Variants in APOO observed in about 807,000 individuals in gnomAD.
The protein encoded by APOO is MICOS complex subunit MIC26.
A neutral mutation model predicts 23.1 loss-of-function variants in APOO; 11 were observed. The ratio of observed to expected loss-of-function variants is 0.48; its 90% confidence interval spans 0.30 to 0.79. The LOEUF is 0.79. APOO is among the 30% of genes least tolerant of loss of function. APOO has a pLI of 0.07. For synonymous variants in APOO, 59 were observed against 54.8 expected (o/e 1.08, Z -0.34); for missense variants, 160 against 142.7 (o/e 1.12, Z -0.62).
At chrX:23,886,956 G>C (rs1033984449) in intron 1 of APOO, among the ~76,000 whole-genome samples, 1 of 111,416 alleles carries the variant, frequency 9.0e-6, no homozygotes, top group Non-Finnish European at 1.9e-5. Flanking sequence ...AGGGCACAAA[G>C]AGGAGATGAA....
intron 1 of APOO, among the ~76,000 whole-genome samples, chrX:23,898,529 AGCCTTTTTTGGAAAAAAAAAATCAT>A (rs1405223804): frequency 8.9e-6 from 1 of 111,760 alleles, no homozygotes; most frequent in Non-Finnish European, 1.9e-5. Flanking sequence ...GAAAACTGTA[AGCCTTTTTTGGAAAAAAAAAATCAT>A]GTACAAGACT....
intron 7 of APOO, among the ~76,000 whole-genome samples, chrX:23,855,097 G>A (rs1355398297): frequency 1.9e-5 from 2 of 104,124 alleles, no homozygotes; most frequent in African/African-American, 7.1e-5. Context: ...GAGTGCAGTG[G>A]CGCAATCATG....
chrX:23,871,503 C>G (rs1256156905), intron 4 of APOO, among the ~76,000 whole-genome samples: 1 of 111,655 alleles, frequency 9.0e-6, no homozygotes, highest in Non-Finnish European at 1.9e-5. Flanking sequence ...ACATCCAATA[C>G]CAAGTCACAC....
At chrX:23,861,376 C>T (rs1469464989) in intron 5 of APOO, among the ~76,000 whole-genome samples, 1 of 109,448 alleles carries the variant, frequency 9.1e-6, no homozygotes, top group African/African-American at 3.3e-5. Context: ...CTTTGCCTTC[C>T]ACCATGATTG....
At chrX:23,853,869 A>C (rs1313484490) in intron 7 of APOO, among the ~76,000 whole-genome samples, 3 of 110,308 alleles carry the variant, frequency 2.7e-5, no homozygotes, top group Non-Finnish European at 5.7e-5. Flanking sequence ...CCTAGGCTCA[A>C]AGCGATTTGC....
rs868494655 is a variant in APOO at position 23,878,964 on chromosome X, C to A, written c.188G>T (p.Ser63Ile). ...GCAATAGTGTCGGAGCTGTGAGATG[C>A]TTTCTTCAAGCTGGCTCCTTGCCTC... is the stretch of plus-strand genomic sequence containing the variant. ...VEEARSQLEE[S>I]ISQLRHYCEP... The change falls in exon 3 of 9, where the codon AGC (serine) becomes ATC (isoleucine). Residue 63 changes from serine to isoleucine, a missense_variant. Physicochemically the swap from Ser to Ile is moderately radical, Grantham distance 142. Transcript: ENST00000379226. 3.3e-6 allele frequency: 4 copies of A among 1,209,816 alleles called. No individual in the cohort carries two copies. The highest frequency in any genetic ancestry group is 4.6e-4 in the Middle Eastern group (2 of 4,352).
At chrX:23,862,173 C>T (rs971841297) in intron 5 of APOO, among the ~76,000 whole-genome samples, 1 of 110,541 alleles carries the variant, frequency 9.0e-6, no homozygotes, top group Non-Finnish European at 1.9e-5. Context: ...AAGCCTGAAA[C>T]ATAAAGGAGA....
chrX:23,898,373 G>C (rs921249432), intron 1 of APOO, among the ~76,000 whole-genome samples: 2 of 110,865 alleles, frequency 1.8e-5, no homozygotes, highest in Admixed American at 9.7e-5. Flanking sequence ...AAAGTGCTGG[G>C]ATTACAGGTG....
At chrX:23,866,679 C>T (rs1054884119) in intron 5 of APOO, among the ~76,000 whole-genome samples, 5 of 111,122 alleles carry the variant, frequency 4.5e-5, no homozygotes, top group African/African-American at 1.6e-4. Flanking sequence ...ATCCCAGCTA[C>T]TTGAAAGGCT....
chrX:23,866,205 A>G (rs758126085), intron 5 of APOO, among the ~76,000 whole-genome samples: 5 of 112,058 alleles, frequency 4.5e-5, no homozygotes, highest in Non-Finnish European at 7.5e-5. Context: ...GATAGCTGAA[A>G]TCCCAACACC....
chrX:23,876,569 G>T (rs888091650), intron 3 of APOO, among the ~76,000 whole-genome samples: 1 of 110,772 alleles, frequency 9.0e-6, no homozygotes. Flanking sequence ...GGGAGGCCGA[G>T]GTGGACGGAT....
intron 3 of APOO, 148 bp downstream of exon 3, chrX:23,878,767 C>T (rs1465993203): frequency 3.7e-5 from 26 of 710,491 alleles, no homozygotes; most frequent in Non-Finnish European, 4.7e-5. Context: ...CCCACCTTTC[C>T]CCCAGACCCC....
chrX:23,878,703 G>C (rs1925965530), intron 3 of APOO, among the ~76,000 whole-genome samples: 1 of 55,283 alleles, frequency 1.8e-5, no homozygotes, highest in Non-Finnish European at 3.2e-5. Context: ...TATCAAATAG[G>C]TTTTATTCAT....
At chrX:23,839,315 C>T (rs1463891448) in intron 8 of APOO, among the ~76,000 whole-genome samples, 1 of 111,745 alleles carries the variant, frequency 8.9e-6, no homozygotes, top group Non-Finnish European at 1.9e-5. Context: ...GGATGGCTGC[C>T]CCATAGGGTG....
chrX:23,894,823 T>C lies in APOO; in HGVS notation c.9+12871A>G, dbSNP rs938962132. On this transcript the variant is annotated intron_variant, in intron 1 of 8. Coordinates refer to ENST00000379226, the MANE Select transcript of APOO (RefSeq NM_024122.5). ...AAAAAAAAAGTAAAGAAAATCAGTCTCGATATATTTTAAATAAGAGTGGTA... is the reference window on the plus strand; with the variant it reads ...AAAAAAAAAGTAAAGAAAATCAGTCCCGATATATTTTAAATAAGAGTGGTA... 1.1e-4 allele frequency among the ~76,000 whole-genome samples: 12 copies of C among 107,990 alleles called. No homozygotes were observed. In the Admixed American group the frequency reaches 1.2e-3, roughly 11 times the overall value. 93.8% of individuals were successfully genotyped at this position (107,990 alleles called of 115,157 possible).
At chrX:23,869,747 C>T (rs1482317588) in intron 4 of APOO, among the ~76,000 whole-genome samples, 2 of 106,779 alleles carry the variant, frequency 1.9e-5, no homozygotes, top group Admixed American at 1.0e-4. Context: ...GTCAGGAGTT[C>T]GAGACCAGCC....
At chrX:23,901,877 G>A (rs1172947543) in intron 1 of APOO, among the ~76,000 whole-genome samples, 1 of 112,429 alleles carries the variant, frequency 8.9e-6, no homozygotes, top group African/African-American at 3.2e-5. Flanking sequence ...ACACAGTGAA[G>A]CCCAAGGTCT....
At chrX:23,855,552 T>C (rs1924746148) in intron 7 of APOO, among the ~76,000 whole-genome samples, 1 of 111,387 alleles carries the variant, frequency 9.0e-6, no homozygotes, top group African/African-American at 3.3e-5. Flanking sequence ...GTAGAAGGTA[T>C]ATTAATATAA....
chrX:23,892,135 G>A (rs1926682612), intron 1 of APOO, among the ~76,000 whole-genome samples: 1 of 109,561 alleles, frequency 9.1e-6, no homozygotes. Flanking sequence ...CCAGGCTGGA[G>A]TGAAGTGGCG....
Sources: allele counts gnomAD v4.1 joint callset (sites outside exome capture counted in the v4.1 genomes callset), GRCh38; gene constraint gnomAD v4.1.1; transcripts MANE v1.5; gene names NCBI Gene and HGNC (gene_info 2026-07-23, HGNC 2026-07-21).